Variants in RNF125 observed in about 807,000 individuals in gnomAD.
RNF125 encodes ring finger protein 125, also known as E3 ubiquitin-protein ligase RNF125.
In RNF125, 21 loss-of-function variants were observed where a neutral mutation model predicts 26.0. The observed-to-expected ratio is 0.81, with a 90% CI of 0.57 to 1.16. The LOEUF (loss-of-function observed/expected upper bound fraction) is 1.16. RNF125 is among the 50% of genes most tolerant of loss of function. The pLI is 0.00. For missense variants in RNF125, 270 were observed against 299.4 expected, an observed-to-expected ratio of 0.90 and a Z score of 0.72; for synonymous variants, 95 against 109.2, an observed-to-expected ratio of 0.87 and a Z score of 0.81.
intron 2 of RNF125, among the ~76,000 whole-genome samples, chr18:32,039,777 CTTTT>C (rs1337442183): frequency 8.1e-6 from 1 of 123,386 alleles, no homozygotes. Flanking sequence ...CTTTGAGATA[CTTTT>C]TTTTTTTTTT....
intron 1 of RNF125, among the ~76,000 whole-genome samples, chr18:32,030,459 T>C (rs949676380): frequency 6.6e-6 from 1 of 152,194 alleles, no homozygotes; most frequent in African/African-American, 2.4e-5. Context: ...AAAGCGTACA[T>C]CAAATTGGTG....
chr18:32,085,145 CAG>C, the RNF125 span, among the ~76,000 whole-genome samples: 28 of 152,230 alleles, frequency 1.8e-4, no homozygotes, highest in African/African-American at 6.5e-4. Flanking sequence ...GAAACTGGGA[CAG>C]GGGCCAATCA....
chr18:32,087,515 T>C, the RNF125 span, among the ~76,000 whole-genome samples: 1 of 151,736 alleles, frequency 6.6e-6, no homozygotes, highest in Non-Finnish European at 1.5e-5. Flanking sequence ...GGACACCCAT[T>C]TGCTGTCTGC....
chr18:32,020,050 G>C (rs2038972035), intron 1 of RNF125, among the ~76,000 whole-genome samples: 1 of 151,340 alleles, frequency 6.6e-6, no homozygotes, highest in Non-Finnish European at 1.5e-5. Flanking sequence ...GAGAGAGAGA[G>C]AGACGTAGTC....
Position 32,069,412 on chromosome 18 carries a change from A to G in RNF125, c.*1028A>G, listed in dbSNP as rs1264769504. The G allele has an allele frequency of 1.3e-5, 2 of 152,214 alleles. No homozygotes were observed. The highest frequency in any genetic ancestry group is 2.1e-4 in the South Asian group (1 of 4,836). The allele number at this position is 152,214 out of a possible 1,614,324, so 9.4% of individuals were successfully genotyped here. ...AAAACCATCAGATGATACTTACAGT[A>G]TAAGTATTCACATCCAGACTTTTTA... On this transcript the variant is annotated 3_prime_UTR_variant, in exon 6 of 6. Transcript: ENST00000217740.
At chr18:32,044,514 G>A (rs544675897) in intron 3 of RNF125, among the ~76,000 whole-genome samples, 3 of 151,782 alleles carry the variant, frequency 2.0e-5, no homozygotes, top group African/African-American at 4.8e-5. Flanking sequence ...AAAATTCAGC[G>A]TGTATCTTAT....
intron 1 of RNF125, among the ~76,000 whole-genome samples, chr18:32,029,166 A>C (rs2144442676): frequency 6.6e-6 from 1 of 152,258 alleles, no homozygotes. Context: ...TAATTTAAGA[A>C]GTTTCACTTT....
At chr18:32,074,310 A>T (rs973899401), downstream of RNF125, among the ~76,000 whole-genome samples, 1 of 152,238 alleles carries the variant, frequency 6.6e-6, no homozygotes, top group African/African-American at 2.4e-5. Context: ...GGCCATATGT[A>T]ATGTCAAGGC....
At chr18:32,057,098 C>G (rs2039392963) in intron 4 of RNF125, among the ~76,000 whole-genome samples, 2 of 152,142 alleles carry the variant, frequency 1.3e-5, no homozygotes, top group Non-Finnish European at 2.9e-5. Context: ...TGTTTCTACA[C>G]CTTTCAACAT....
Position 32,068,372 on chromosome 18 carries a change from G to A in RNF125, c.687G>A (p.Ser229=), listed in dbSNP as rs374540528. The part of the protein sequence containing the change: ...DRSLLEYVNH[S]NTT Reference sequence around the variant, plus strand: ...CACTTCTTGAATATGTGAATCACTCGAACACCACATAATTTTATTAAAACG... The same window carrying A: ...CACTTCTTGAATATGTGAATCACTCAAACACCACATAATTTTATTAAAACG... The change falls in exon 6 of 6, where the codon TCG becomes TCA. Residue 229 remains serine (S), a synonymous_variant. Transcript: ENST00000217740. 2.5e-5 allele frequency: 39 copies of A among 1,579,188 alleles called. No individual in the cohort carries two copies. In the East Asian group the frequency reaches 2.9e-4, roughly 12 times the overall value.
chr18:32,075,693 C>CAAAA (rs759960735), downstream of RNF125, among the ~76,000 whole-genome samples: 31 of 92,078 alleles, frequency 3.4e-4, 1 homozygote, highest in African/African-American at 6.5e-4. Flanking sequence ...AACTCCATCT[C>CAAAA]AAAAAAAAAA....
At position 32,049,347 on chromosome 18, in the gene RNF125, A is replaced by T. The variant is rs2039302420; in HGVS notation, c.504+3615A>T. Among the ~76,000 whole-genome samples the T allele has an allele frequency of 2.0e-5, 3 of 152,224 alleles. No homozygotes were observed. The South Asian group carries it at 6.2e-4, about 31-fold the overall frequency. ...GTCTATTAAATTCTGTCACTGTTTC[A>T]TCATTTGTAAAATGGGGATGGTGAT... On this transcript the variant is annotated intron_variant, in intron 4 of 5. Coordinates refer to ENST00000217740, the MANE Select transcript of RNF125 (RefSeq NM_017831.4).
chr18:32,078,499 C>T, the RNF125 span, among the ~76,000 whole-genome samples: 8 of 151,862 alleles, frequency 5.3e-5, no homozygotes, highest in African/African-American at 1.7e-4. Context: ...TAGCTGGGCA[C>T]GGTGGCATGT....
intron 4 of RNF125, among the ~76,000 whole-genome samples, chr18:32,054,369 C>T (rs1245573895): frequency 2.0e-5 from 3 of 152,118 alleles, no homozygotes; most frequent in East Asian, 1.9e-4. Context: ...CCGCGATTAC[C>T]GGCATGAGCC....
At chr18:32,085,700 C>CAAAAAA in the RNF125 span, among the ~76,000 whole-genome samples, 38 of 62,724 alleles carry the variant, frequency 6.1e-4, no homozygotes, top group Middle Eastern at 0.01. Context: ...AACGACTTAT[C>CAAAAAA]AAAAAAAAAA....
chr18:32,046,728 T>A (rs1255658450), intron 4 of RNF125, among the ~76,000 whole-genome samples: 1 of 152,120 alleles, frequency 6.6e-6, no homozygotes, highest in African/African-American at 2.4e-5. Context: ...GTATGGTAAA[T>A]GTACATATTG....
intron 2 of RNF125, among the ~76,000 whole-genome samples, chr18:32,039,474 A>G (rs1391342363): frequency 6.6e-6 from 1 of 152,138 alleles, no homozygotes; most frequent in African/African-American, 2.4e-5. Flanking sequence ...ATAAATATAT[A>G]TGTGATATAT....
intron 4 of RNF125, among the ~76,000 whole-genome samples, chr18:32,046,638 A>T (rs1214939219): frequency 1.3e-5 from 2 of 151,474 alleles, no homozygotes; most frequent in African/African-American, 4.9e-5. Context: ...TTATTATGAC[A>T]CTACACTAGA....
Position 32,061,094 on chromosome 18 carries a change from G to A in RNF125, c.505-4808G>A, listed in dbSNP as rs564691788. ...GGCTGGAGTGCAGTGGTGCGATCTC[G>A]GCTCACTGCAAGCTCCGCCTCCTGG... On this transcript the variant is annotated intron_variant, in intron 4 of 5. Coordinates refer to ENST00000217740, the MANE Select transcript of RNF125 (RefSeq NM_017831.4). 1.5e-4 allele frequency among the ~76,000 whole-genome samples: 23 copies of A among 152,110 alleles called. No homozygotes were observed. The East Asian group carries it at 2.9e-3, about 19-fold the overall frequency.
Sources: allele counts gnomAD v4.1 joint callset (sites outside exome capture counted in the v4.1 genomes callset), GRCh38; gene constraint gnomAD v4.1.1; transcripts MANE v1.5; gene names NCBI Gene and HGNC (gene_info 2026-07-23, HGNC 2026-07-21).